The following ABL1 variants were observed in gnomAD, a reference collection of about 807,000 sequenced individuals.
ABL1 encodes the protein tyrosine-protein kinase ABL1.
A neutral mutation model predicts 94.7 loss-of-function variants in ABL1; 11 were observed. The observed-to-expected ratio is 0.12, with a 90% confidence interval of 0.07 to 0.19. ABL1 has a LOEUF of 0.19. Ranked by LOEUF, ABL1 falls within the 10% of genes least tolerant of loss-of-function variation. The probability of loss-of-function intolerance (pLI) is 1.00; values close to 1 mark genes in which losing one functional copy is unlikely to be tolerated. For synonymous variants in ABL1, 656 were observed against 622.4 expected, an observed-to-expected ratio of 1.05 and a Z score of -0.80; for missense variants, 1,082 against 1,489.4, an observed-to-expected ratio of 0.73 and a Z score of 4.50.
intron 1 of ABL1, among the ~76,000 whole-genome samples, chr9:130,742,599 A>T (rs1831833741): frequency 6.6e-6 from 1 of 152,200 alleles, no homozygotes; most frequent in African/African-American, 2.4e-5. Context: ...AAACTTGGTA[A>T]TTTGGTAAAT....
At chr9:130,794,535 C>G (rs1218172524) in intron 1 of ABL1, among the ~76,000 whole-genome samples, 1 of 152,148 alleles carries the variant, frequency 6.6e-6, no homozygotes, top group East Asian at 1.9e-4. Context: ...AAATGAATCA[C>G]TGTTTCTCCT....
intron 1 of ABL1, among the ~76,000 whole-genome samples, chr9:130,846,525 C>T (rs1204531339): frequency 1.3e-5 from 2 of 152,134 alleles, no homozygotes; most frequent in Non-Finnish European, 1.5e-5. Context: ...ATCCTCCTGT[C>T]CCCCCCACAC....
chr9:130,767,923 G>A (rs946887425), intron 1 of ABL1, among the ~76,000 whole-genome samples: 2 of 152,160 alleles, frequency 1.3e-5, no homozygotes, highest in Non-Finnish European at 2.9e-5. Context: ...CACAACAAAT[G>A]ACTTGGTTTA....
chr9:130,770,508 A>G (rs889197899), intron 1 of ABL1, among the ~76,000 whole-genome samples: 1 of 152,204 alleles, frequency 6.6e-6, no homozygotes, highest in African/African-American at 2.4e-5. Context: ...ACTTGTCTCC[A>G]AAAATGTTTA....
chr9:130,878,519 G>C lies in ABL1; in HGVS notation c.1375G>C (p.Glu459Gln). 1 of 1,614,196 alleles carries C rather than the reference G, an allele frequency of 6.2e-7. No homozygotes were observed. Among genetic ancestry groups the C allele is most frequent in the Non-Finnish European group, 8.5e-7 (1 of 1,180,038 alleles). ...GCTGCTAGAGAAGGACTACCGCATG[G>C]AGCGCCCAGAAGGCTGCCCAGAGAA... ...YELLEKDYRM[E>Q]RPEGCPEKVY... Residue 459 changes from glutamate to glutamine, a missense_variant, in exon 8 of 11, where the codon GAG becomes CAG. Physicochemically the swap from Glu to Gln is conservative, Grantham distance 29. Coordinates refer to ENST00000318560, the MANE Select transcript of ABL1 (RefSeq NM_005157.6).
chr9:130,883,197 G>A (rs1831495253), intron 10 of ABL1, among the ~76,000 whole-genome samples: 2 of 151,996 alleles, frequency 1.3e-5, no homozygotes, highest in African/African-American at 4.8e-5. Flanking sequence ...TGTTAGGATT[G>A]TCATTAGGAA....
chr9:130,846,555 T>G (rs1307300350), intron 1 of ABL1, among the ~76,000 whole-genome samples: 1 of 152,224 alleles, frequency 6.6e-6, no homozygotes, highest in African/African-American at 2.4e-5. Context: ...TCCAAGAACC[T>G]TCCGGAGAGC....
intron 1 of ABL1, among the ~76,000 whole-genome samples, chr9:130,810,884 A>G (rs979138815): frequency 2.0e-5 from 3 of 152,178 alleles, no homozygotes; most frequent in Admixed American, 6.5e-5. Context: ...ATCTTAAGCA[A>G]ATTGCTTAAA....
At chr9:130,816,109 G>C (rs920140535) in intron 1 of ABL1, among the ~76,000 whole-genome samples, 1 of 152,068 alleles carries the variant, frequency 6.6e-6, no homozygotes, top group Admixed American at 6.6e-5. Context: ...TATAACCTCT[G>C]ACTTACCTCC....
chr9:130,880,082 C>A lies in ABL1; in HGVS notation c.1438C>A (p.Pro480Thr). The stretch of plus-strand genomic sequence containing the variant: ...CATCTGTCCAGGTTGGCAGTGGAAT[C>A]CCTCTGACCGGCCCTCCTTTGCTGA... ...ELMRACWQWN[P>T]SDRPSFAEIH... The change falls in exon 9 of 11, where the codon CCC becomes ACC. Residue 480 changes from proline to threonine, a missense_variant. By Grantham distance (38) the Pro-to-Thr change is conservative. Around this residue, in one of 7 missense-constraint regions of ABL1, gnomAD observed 76 missense variants for 177.1 expected, o/e 0.43. Coordinates refer to ENST00000318560, the MANE Select transcript of ABL1 (RefSeq NM_005157.6). This position sits in a 1 kb window ranked among gnomAD's most constrained non-coding sequence, Gnocchi z 4.4. 1 of 1,614,200 alleles carries A rather than the reference C, an allele frequency of 6.2e-7. No homozygotes were observed. The highest frequency in any genetic ancestry group is 8.5e-7 in the Non-Finnish European group (1 of 1,180,040).
At chr9:130,752,595 A>G (rs2132731003) in intron 1 of ABL1, among the ~76,000 whole-genome samples, 1 of 152,292 alleles carries the variant, frequency 6.6e-6, no homozygotes, top group Non-Finnish European at 1.5e-5. Flanking sequence ...GTATGTATGT[A>G]TTCATTCATT....
At chr9:130,823,678 G>T (rs1830392318) in intron 1 of ABL1, among the ~76,000 whole-genome samples, 1 of 152,176 alleles carries the variant, frequency 6.6e-6, no homozygotes, top group African/African-American at 2.4e-5. Flanking sequence ...TGAAGAACCT[G>T]ACCCAGAAGT....
At chr9:130,783,379 G>A (rs959723105) in intron 1 of ABL1, among the ~76,000 whole-genome samples, 1 of 152,196 alleles carries the variant, frequency 6.6e-6, no homozygotes, top group Non-Finnish European at 1.5e-5. Context: ...AATCACAAGA[G>A]CTTTAGGGAG....
intron 1 of ABL1, among the ~76,000 whole-genome samples, chr9:130,765,646 A>G (rs1299255026): frequency 6.6e-6 from 1 of 152,170 alleles, no homozygotes; most frequent in East Asian, 1.9e-4. Flanking sequence ...ATCAGTATTC[A>G]TTTCTCTTAT....
At chr9:130,841,927 G>A (rs1183797718) in intron 1 of ABL1, among the ~76,000 whole-genome samples, 2 of 143,780 alleles carry the variant, frequency 1.4e-5, no homozygotes, top group Non-Finnish European at 3.0e-5. Flanking sequence ...GAAATAGGTG[G>A]GAAGGAGATA....
intron 1 of ABL1, among the ~76,000 whole-genome samples, chr9:130,813,561 CAAAAAA>C (rs57194587): frequency 1.8e-4 from 11 of 60,640 alleles, no homozygotes; most frequent in Non-Finnish European, 2.3e-4. Context: ...ACTCCATCTC[CAAAAAA>C]AAAAAAAAAA....
At chr9:130,754,208 GAA>G (rs146151861) in intron 1 of ABL1, among the ~76,000 whole-genome samples, 4 of 96,480 alleles carry the variant, frequency 4.1e-5, no homozygotes, top group Non-Finnish European at 4.1e-5. Context: ...CTCTGTCTCA[GAA>G]AAAAAAAAAA....
chr9:130,757,682 G>T (rs1832058119), intron 1 of ABL1, among the ~76,000 whole-genome samples: 1 of 151,702 alleles, frequency 6.6e-6, no homozygotes, highest in Non-Finnish European at 1.5e-5. Context: ...GGGACTACAG[G>T]CACCCACCAC....
At chr9:130,876,783 C>T (rs1295931220) in intron 7 of ABL1, among the ~76,000 whole-genome samples, 2 of 130,252 alleles carry the variant, frequency 1.5e-5, no homozygotes, top group Admixed American at 1.7e-4. Context: ...GTCGCCCAGG[C>T]TGGAGTGCAG....
Sources: gnomAD v4.1 joint callset for allele counts (sites outside exome capture counted in the v4.1 genomes callset) on GRCh38, gnomAD v4.1.1 for gene constraint, gnomAD v4.1.1 regional missense constraint, Gnocchi (gnomAD v3.1) non-coding constraint, MANE v1.5 for transcripts, NCBI Gene and HGNC (gene_info 2026-07-23, HGNC 2026-07-21) for gene names.